Variants in ZNF324 observed in about 807,000 individuals in gnomAD.
ZNF324 encodes zinc finger protein 324, also known as zinc finger protein 324A.
A neutral mutation model predicts 10.3 loss-of-function variants in ZNF324; 3 were observed. The ratio of observed to expected loss-of-function variants is 0.29; its 90% CI spans 0.13 to 0.75. The LOEUF is 0.75. Among genes scored for constraint, ZNF324 ranks in the 30% least tolerant of loss-of-function variants. The probability of loss-of-function intolerance (pLI) is 0.69; values close to 1 mark genes in which losing one functional copy is unlikely to be tolerated. For missense variants in ZNF324, 763 were observed against 784.4 expected (o/e 0.97, Z 0.33); for synonymous variants, 430 against 339.5 (o/e 1.27, Z -2.93).
In ZNF324 at chr19:58,475,347, A is replaced by G. The variant is rs1355442208; in HGVS notation, c.*3193A>G. 6.6e-6 allele frequency: 1 copy of G among 152,234 alleles called. No individual in the cohort carries two copies. Among genetic ancestry groups the G allele is most frequent in the African/African-American group, 2.4e-5 (1 of 41,454 alleles). 9.4% of individuals were successfully genotyped at this position (152,234 alleles called of 1,614,324 possible). A position where few individuals can be genotyped will look rare whatever the true frequency, so the allele number is the denominator to read the frequency against. ...TGACCCCACAGATTTAGAAAACTGT[A>G]ACACTGCTTATTGGGAGAAACTAGT... On this transcript the variant is annotated 3_prime_UTR_variant, in exon 4 of 4. Transcript: ENST00000196482.
rs570296925 is a variant in ZNF324, at chr19:58,473,071, A to T, written c.*917A>T. ...GTCACTGACTGGTTTACCAAAGTCG[A>T]TGTGAGGAGGAGGCTTTATACCTGA... On this transcript the variant is annotated 3_prime_UTR_variant, in exon 4 of 4. Coordinates refer to ENST00000196482, the MANE Select transcript of ZNF324 (RefSeq NM_014347.3). 6.5e-6 allele frequency: 1 copy of T among 152,780 alleles called. No homozygotes were observed. Among genetic ancestry groups the T allele is most frequent in the East Asian group, 1.9e-4 (1 of 5,194 alleles). 9.5% of individuals were successfully genotyped at this position (152,780 alleles called of 1,614,324 possible). A position where few individuals can be genotyped will look rare whatever the true frequency, so the allele number is the denominator to read the frequency against.
At chr19:58,469,015 A>ATGTT (rs2053004867) in intron 1 of ZNF324, among the ~76,000 whole-genome samples, 165 bp from the exon 2 acceptor site, 1 of 152,000 alleles carries the variant, frequency 6.6e-6, no homozygotes. Flanking sequence ...AAAACATGAG[A>ATGTT]TGTTTATGCA....
rs2053007663 is a variant in ZNF324 at position 58,469,317 on chromosome 19, A to G, written c.121+11A>G. 1.2e-6 allele frequency: 2 copies of G among 1,612,026 alleles called. No individual in the cohort carries two copies. The highest frequency in any genetic ancestry group is 1.3e-5 in the African/African-American group (1 of 74,862). On this transcript the variant is annotated intron_variant, in intron 2 of 3. Transcript: ENST00000196482. ...TTGTGGCCTCGCTGGGTAAGGTCCT[A>G]GATACTCCATGAAATGGGCAACTGA...
Position 58,470,877 on chromosome 19 carries a change from T to G in ZNF324, c.385T>G (p.Ser129Ala). ...AAGCCTGCAGAGACAACGGGGTGCC[T>G]CCCCATCTCGGGAGAGAAAACCCAC... ...VKSLQRQRGASPSRERKPTGV... is the reference protein window; with the variant it reads ...VKSLQRQRGAAPSRERKPTGV... The change falls in exon 4 of 4, where the codon TCC becomes GCC. Residue 129 changes from serine (S) to alanine (A), a missense_variant. Coordinates refer to ENST00000196482, the MANE Select transcript of ZNF324 (RefSeq NM_014347.3). The G allele has an allele frequency of 6.2e-7, 1 of 1,613,974 alleles. No homozygotes were observed. Among genetic ancestry groups the G allele is most frequent in the Non-Finnish European group, 8.5e-7 (1 of 1,180,014 alleles).
rs145039898 is a variant in ZNF324, at chr19:58,469,267, C to A, written c.82C>A (p.Arg28Ser). 120 of 1,614,028 alleles carry A rather than the reference C, an allele frequency of 7.4e-5. No individual in the cohort carries two copies. The highest frequency in any genetic ancestry group is 9.7e-5 in the Non-Finnish European group (114 of 1,179,994). ...LDTAQRALYR[R>S]VMLDNFALVA... ...CACAGCCCAGAGGGCCCTGTACCGCCGCGTGATGCTAGACAACTTCGCACT... is the reference window on the plus strand; with the variant it reads ...CACAGCCCAGAGGGCCCTGTACCGCAGCGTGATGCTAGACAACTTCGCACT... The change falls in exon 2 of 4, where the codon CGC (arginine) becomes AGC (serine). Residue 28 changes from arginine (R) to serine (S), a missense_variant. Arg to Ser is a moderately radical substitution (Grantham distance 110). This residue lies in a region of ZNF324 where 379 missense variants were observed against 319.4 expected (regional missense o/e 1.19). Transcript: ENST00000196482.
At chr19:58,469,077 G>T (rs2053005461) in intron 1 of ZNF324, 103 bp from the exon 2 acceptor site, 12 of 1,395,668 alleles carry the variant, frequency 8.6e-6, no homozygotes, top group Non-Finnish European at 1.2e-5. Context: ...TGTATTTTAT[G>T]TGTTGCCCAA....
chr19:58,474,366 C>T lies in ZNF324; in HGVS notation c.*2212C>T, dbSNP rs1352900755. 1 of 152,202 alleles carries T rather than the reference C, an allele frequency of 6.6e-6. No homozygotes were observed. The highest frequency in any genetic ancestry group is 1.9e-4 in the East Asian group (1 of 5,182). 9.4% of individuals were successfully genotyped at this position (152,202 alleles called of 1,614,324 possible). ...GTCACGTGAAATCATTTCTATGCCT[C>T]TGACAGACGCTTCTTGAGCGAAGTT... On this transcript the variant is annotated 3_prime_UTR_variant, in exon 4 of 4. Coordinates refer to ENST00000196482, the MANE Select transcript of ZNF324 (RefSeq NM_014347.3).
intron 1 of ZNF324, among the ~76,000 whole-genome samples, chr19:58,467,946 G>A (rs538193523): frequency 6.6e-6 from 1 of 152,064 alleles, no homozygotes; most frequent in South Asian, 2.1e-4. Flanking sequence ...GAACAGACAT[G>A]CAGGGGTGTC....
Position 58,471,671 on chromosome 19 carries a change from C to T in ZNF324, c.1179C>T (p.Gly393=), listed in dbSNP as rs140037816. ...HLIQHERTHT[G]EKPFVCALCG... The stretch of plus-strand genomic sequence containing the variant: ...TCCAGCACGAGCGTACGCACACAGG[C>T]GAGAAGCCCTTCGTGTGCGCGCTCT... Residue 393 remains glycine, a synonymous_variant, in exon 4 of 4, where the codon GGC becomes GGT. Transcript: ENST00000196482. 9.9e-6 allele frequency: 16 copies of T among 1,612,518 alleles called. No individual in the cohort carries two copies. The Middle Eastern group carries it at 5.0e-4, about 51-fold the overall frequency.
intron 1 of ZNF324, among the ~76,000 whole-genome samples, chr19:58,468,540 A>G (rs1278396296): frequency 6.6e-6 from 1 of 152,114 alleles, no homozygotes; most frequent in Non-Finnish European, 1.5e-5. Context: ...CAGGCTCAGC[A>G]GGGGAGGGTC....
rs1232905919 is a variant in ZNF324, at chr19:58,471,557, C to T, written c.1065C>T (p.Asn355=). ...ECGKAFSHGS[N]LSQHRKIHAG... Reference sequence around the variant, plus strand: ...GCAAGGCCTTCAGCCACGGCTCCAACCTCAGCCAGCACCGCAAGATCCACG... The same window carrying T: ...GCAAGGCCTTCAGCCACGGCTCCAATCTCAGCCAGCACCGCAAGATCCACG... The change falls in exon 4 of 4, where the codon AAC becomes AAT. Residue 355 remains asparagine (N), a synonymous_variant. Coordinates refer to ENST00000196482, the MANE Select transcript of ZNF324 (RefSeq NM_014347.3). 1.9e-6 allele frequency: 3 copies of T among 1,584,722 alleles called. No individual in the cohort carries two copies. Among genetic ancestry groups the T allele is most frequent in the East Asian group, 2.3e-5 (1 of 43,686 alleles).
intron 1 of ZNF324, chr19:58,467,778 C>T (rs1292285975): frequency 1.3e-5 from 2 of 151,954 alleles, no homozygotes; most frequent in Non-Finnish European, 2.9e-5. Context: ...GGACTGAGCT[C>T]TCTCGATGTG....
chr19:58,475,149 G>C lies in ZNF324; in HGVS notation c.*2995G>C, dbSNP rs1028055902. On this transcript the variant is annotated 3_prime_UTR_variant, in exon 4 of 4. Transcript: ENST00000196482. ...GGAGGCCGTTGGAAAGCTCCGAGTT[G>C]ACAAGTCTCATCCACGCACATGCTC... 6.6e-6 allele frequency: 1 copy of C among 152,166 alleles called. No homozygotes were observed. Among genetic ancestry groups the C allele is most frequent in the Non-Finnish European group, 1.5e-5 (1 of 68,040 alleles). The allele number at this position is 152,166 out of a possible 1,614,324, so 9.4% of individuals were successfully genotyped here.
At chr19:58,470,619 T>TC (rs2053020522) in intron 3 of ZNF324, 112 bp from the exon 4 acceptor site, 10 of 1,365,614 alleles carry the variant, frequency 7.3e-6, no homozygotes, top group Non-Finnish European at 1.0e-5. Flanking sequence ...CCTCTACTTT[T>TC]CCCCTAAGCT....
rs2053043743 is a variant in ZNF324 at position 58,472,267 on chromosome 19, G to A, written c.*113G>A. Reference sequence around the variant, plus strand: ...TCCCGTGCTTGCTAGTCAGGGACAAGGGAGGCCCTTTGGCTGTGATTTCAT... The same window carrying A: ...TCCCGTGCTTGCTAGTCAGGGACAAAGGAGGCCCTTTGGCTGTGATTTCAT... On this transcript the variant is annotated 3_prime_UTR_variant, in exon 4 of 4. Coordinates refer to ENST00000196482, the MANE Select transcript of ZNF324 (RefSeq NM_014347.3). 2.5e-5 allele frequency: 30 copies of A among 1,188,598 alleles called. No individual in the cohort carries two copies. Among genetic ancestry groups the A allele is most frequent in the Non-Finnish European group, 3.4e-5 (30 of 874,674 alleles). The allele number at this position is 1,188,598 out of a possible 1,614,324, so 73.6% of individuals were successfully genotyped here. A position where few individuals can be genotyped will look rare whatever the true frequency, so the allele number is the denominator to read the frequency against.
At chr19:58,469,371 C>A in intron 2 of ZNF324, 65 bp downstream of exon 2, 2 of 1,580,874 alleles carry the variant, frequency 1.3e-6, no homozygotes, top group Non-Finnish European at 8.6e-7. Context: ...GGGCTGCCCC[C>A]TCACCTCCCT....
chr19:58,468,244 A>G (rs1638885818), intron 1 of ZNF324: 1 of 985,218 alleles, frequency 1.0e-6, no homozygotes, highest in Non-Finnish European at 1.2e-6. Context: ...GACAGGGCCT[A>G]TGAATTGGAC....
rs375401225 is a variant in ZNF324 at position 58,468,705 on chromosome 19, C to T, written c.-6-475C>T. Among the ~76,000 whole-genome samples the T allele has an allele frequency of 3.3e-5, 5 of 152,234 alleles. No homozygotes were observed. In the East Asian group the frequency reaches 9.7e-4, roughly 29 times the overall value. ...TTGGTGTGGCAGCTGAGGGCCCAGC[C>T]AGGACTTGTTCTAGCTTGCTTGTGT... On this transcript the variant is annotated intron_variant, in intron 1 of 3. Coordinates refer to ENST00000196482, the MANE Select transcript of ZNF324 (RefSeq NM_014347.3).
In ZNF324 at chr19:58,470,824, C is replaced by T; in HGVS notation, c.332C>T (p.Pro111Leu). ...TPPGMTTSVFPVAGACHSVKS... is the reference protein window; with the variant it reads ...TPPGMTTSVFLVAGACHSVKS... ...CCTGGGATGACTACTAGCGTCTTCC[C>T]TGTTGCCGGTGCCTGCCACAGTGTA... Residue 111 changes from proline (P) to leucine (L), a missense_variant, in exon 4 of 4, where the codon CCT (proline) becomes CTT (leucine). Around this residue, in one of 3 missense-constraint regions of ZNF324, gnomAD observed 379 missense variants for 319.4 expected, o/e 1.19. Transcript: ENST00000196482. The T allele has an allele frequency of 6.2e-7, 1 of 1,614,202 alleles. No individual in the cohort carries two copies. Among genetic ancestry groups the T allele is most frequent in the Non-Finnish European group, 8.5e-7 (1 of 1,180,046 alleles).
Sources: gnomAD v4.1 joint callset for allele counts (sites outside exome capture counted in the v4.1 genomes callset) on GRCh38, gnomAD v4.1.1 for gene constraint, gnomAD v4.1.1 regional missense constraint, MANE v1.5 for transcripts, NCBI Gene and HGNC (gene_info 2026-07-23, HGNC 2026-07-21) for gene names.